CSGALNACT1: variants seen among roughly 807,000 people sequenced by gnomAD.
CSGALNACT1 encodes the protein chondroitin sulfate N-acetylgalactosaminyltransferase 1.
Under a neutral mutation model 51.0 loss-of-function variants are expected in CSGALNACT1, and 52 were observed. The observed-to-expected ratio is 1.02, with a 90% CI of 0.82 to 1.29. The LOEUF is 1.29. Among genes scored for constraint, CSGALNACT1 ranks in the 50% most tolerant of loss-of-function variants. The pLI is 0.00. For missense variants in CSGALNACT1, 935 were observed against 679.2 expected (o/e 1.38, Z -4.19); for synonymous variants, 341 against 254.4 (o/e 1.34, Z -3.24).
chr8:19,666,771 G>T (rs1376535765), intron 1 of CSGALNACT1, among the ~76,000 whole-genome samples: 1 of 7,070 alleles, frequency 1.4e-4, no homozygotes, highest in Admixed American at 2.2e-3. Flanking sequence ...AAGAAAGAAA[G>T]AAAGAAAGAA....
At chr8:19,738,796 A>G (rs1297993732) in intron 1 of CSGALNACT1, among the ~76,000 whole-genome samples, 2 of 152,206 alleles carry the variant, frequency 1.3e-5, no homozygotes, top group African/African-American at 4.8e-5. Context: ...CATATAAACT[A>G]TGAATTATTT....
At chr8:19,418,595 C>A in intron 8 of CSGALNACT1, 61 bp downstream of exon 7, 1 of 1,085,520 alleles carries the variant, frequency 9.2e-7, no homozygotes, top group Non-Finnish European at 1.4e-6. Flanking sequence ...GGTCAGGTAC[C>A]CCTGGTAATG....
intron 1 of CSGALNACT1, among the ~76,000 whole-genome samples, chr8:19,646,672 G>A (rs1347540100): frequency 6.6e-6 from 1 of 151,992 alleles, no homozygotes; most frequent in Non-Finnish European, 1.5e-5. Flanking sequence ...TTACTTGTTG[G>A]CACATGTTAT....
intron 1 of CSGALNACT1, among the ~76,000 whole-genome samples, chr8:19,635,474 G>T (rs890305077): frequency 6.6e-6 from 1 of 152,144 alleles, no homozygotes; most frequent in Non-Finnish European, 1.5e-5. Flanking sequence ...GCATACATGT[G>T]GCATCTGTTA....
At chr8:19,723,012 G>A (rs1438821445) in intron 1 of CSGALNACT1, among the ~76,000 whole-genome samples, 3 of 152,190 alleles carry the variant, frequency 2.0e-5, no homozygotes, top group Non-Finnish European at 4.4e-5. Flanking sequence ...GATTAGATAA[G>A]TGATTCCAAA....
upstream of CSGALNACT1, among the ~76,000 whole-genome samples, chr8:19,685,463 G>T (rs1461794185): frequency 6.6e-6 from 1 of 152,136 alleles, no homozygotes; most frequent in Non-Finnish European, 1.5e-5. Context: ...TCCAGCATGG[G>T]AGACAGAGGA....
At chr8:19,734,628 A>G (rs1002683921) in intron 1 of CSGALNACT1, among the ~76,000 whole-genome samples, 1 of 152,190 alleles carries the variant, frequency 6.6e-6, no homozygotes, top group Non-Finnish European at 1.5e-5. Flanking sequence ...GAAAGAGAAG[A>G]ATTCTGAAGT....
chr8:19,503,177 C>A (rs1023385180), intron 4 of CSGALNACT1, among the ~76,000 whole-genome samples: 1 of 152,162 alleles, frequency 6.6e-6, no homozygotes, highest in African/African-American at 2.4e-5. Flanking sequence ...AAAGTATTTG[C>A]CTTTATTTAC....
intron 6 of CSGALNACT1, among the ~76,000 whole-genome samples, chr8:19,429,564 C>G (rs191416156): frequency 1.3e-5 from 2 of 152,116 alleles, no homozygotes; most frequent in East Asian, 3.9e-4. Flanking sequence ...GTACTTCATT[C>G]TCTTTATGTC....
intron 3 of CSGALNACT1, among the ~76,000 whole-genome samples, chr8:19,542,706 T>C (rs17128609): frequency 0.15 from 23,022 of 152,160 alleles, 2,547 homozygotes; most frequent in African/African-American, 0.31. Context: ...CATTATCTAA[T>C]CATTTTTATT....
chr8:19,564,138 A>G (rs1004619246), intron 3 of CSGALNACT1, among the ~76,000 whole-genome samples: 28 of 152,216 alleles, frequency 1.8e-4, no homozygotes, highest in African/African-American at 6.8e-4. Context: ...CTTAACGCAC[A>G]GAACATTTCG....
At position 19,612,502 on chromosome 8, in the gene CSGALNACT1, C is replaced by CA. The variant is rs1393114285; in HGVS notation, c.-543-10638dup. Among the ~76,000 whole-genome samples, 8 of 152,136 alleles carry CA rather than the reference C, an allele frequency of 5.3e-5. No homozygotes were observed. The East Asian group carries it at 7.7e-4, about 15-fold the overall frequency. ...CTCAAGATCATCTGTTCACAAGGAT[C>CA]ACCCATAAAGGCCCAAGAAAAAGGA... On this transcript the variant is annotated intron_variant, in intron 1 of 9. Coordinates refer to the CSGALNACT1 transcript ENST00000332246.
intron 3 of CSGALNACT1, among the ~76,000 whole-genome samples, chr8:19,519,508 G>A (rs1426735244): frequency 6.6e-6 from 1 of 152,162 alleles, no homozygotes; most frequent in Non-Finnish European, 1.5e-5. Context: ...AGAAAGAGCA[G>A]CCAAGTTAAG....
chr8:19,531,185 C>T (rs2082702035), intron 3 of CSGALNACT1, among the ~76,000 whole-genome samples: 1 of 152,212 alleles, frequency 6.6e-6, no homozygotes, highest in Admixed American at 6.5e-5. Flanking sequence ...TGACATTCCA[C>T]CAAGGGAGGC....
At chr8:19,419,692 C>G (rs1160420309) in intron 7 of CSGALNACT1, among the ~76,000 whole-genome samples, 1 of 152,176 alleles carries the variant, frequency 6.6e-6, no homozygotes, top group African/African-American at 2.4e-5. Context: ...ACCTCGCTTT[C>G]TCCTGGGAAT....
Position 19,512,636 on chromosome 8 carries a change from T to C in CSGALNACT1, c.-296-6506A>G, listed in dbSNP as rs76918486. On this transcript the variant is annotated intron_variant, in intron 3 of 9. Coordinates refer to ENST00000454498, the Ensembl canonical transcript of CSGALNACT1. ...TCAGAAATACATTACTATAATCAGTTCTCCGTTTGAGAAAATAAGGCTCAG... is the reference window on the plus strand; with the variant it reads ...TCAGAAATACATTACTATAATCAGTCCTCCGTTTGAGAAAATAAGGCTCAG... Among the ~76,000 whole-genome samples, 750 of 152,282 alleles carry C rather than the reference T, an allele frequency of 4.9e-3. 10 individuals carry two copies. The highest frequency in any genetic ancestry group is 7.7e-3 in the Non-Finnish European group (527 of 68,018).
chr8:19,412,598 G>C (rs922287593), intron 8 of CSGALNACT1, among the ~76,000 whole-genome samples: 2 of 152,220 alleles, frequency 1.3e-5, no homozygotes, highest in Non-Finnish European at 2.9e-5. Context: ...TGCATTCACA[G>C]CAACGCCCGT....
upstream of CSGALNACT1, among the ~76,000 whole-genome samples, chr8:19,686,182 C>A (rs1383340078): frequency 6.6e-6 from 1 of 152,086 alleles, no homozygotes; most frequent in Non-Finnish European, 1.5e-5. Flanking sequence ...CTGACAAGGA[C>A]CCCCCAAAAG....
chr8:19,554,811 A>C (rs2089283306), intron 3 of CSGALNACT1, among the ~76,000 whole-genome samples: 1 of 152,068 alleles, frequency 6.6e-6, no homozygotes, highest in Non-Finnish European at 1.5e-5. Flanking sequence ...CCAGCTACTC[A>C]GGAGGCTGAG....
Sources: allele counts gnomAD v4.1 joint callset (sites outside exome capture counted in the v4.1 genomes callset), GRCh38; gene constraint gnomAD v4.1.1; transcripts MANE v1.5; gene names NCBI Gene and HGNC (gene_info 2026-07-23, HGNC 2026-07-21).